GRIA1: variants seen among roughly 807,000 people sequenced by gnomAD.
GRIA1 encodes glutamate receptor 1.
Under a neutral mutation model 99.2 loss-of-function variants are expected in GRIA1, and 31 were observed. The observed-to-expected ratio is 0.31, with a 90% CI of 0.23 to 0.42. The LOEUF (loss-of-function observed/expected upper bound fraction) is 0.42, where lower values mean the gene tolerates loss of function less well. GRIA1 is among the 10% of genes least tolerant of loss of function. The pLI, the probability that GRIA1 is intolerant of heterozygous loss-of-function variation, is 1.00. For synonymous variants in GRIA1, 438 were observed against 432.4 expected (o/e 1.01, Z -0.16); for missense variants, 782 against 1,157.5 (o/e 0.68, Z 4.71).
At chr5:153,555,413 T>C (rs917365060) in intron 2 of GRIA1, among the ~76,000 whole-genome samples, 22 of 152,122 alleles carry the variant, frequency 1.4e-4, no homozygotes, top group Non-Finnish European at 3.1e-4. Flanking sequence ...ATTTGTACCA[T>C]AAAAACAATA....
intron 11 of GRIA1, among the ~76,000 whole-genome samples, chr5:153,712,730 A>G (rs1175022826): frequency 6.6e-6 from 1 of 152,250 alleles, no homozygotes; most frequent in African/African-American, 2.4e-5. Flanking sequence ...TTCTACAAGG[A>G]ACAGTGTCAC....
At chr5:153,589,284 G>T (rs1763757391) in intron 2 of GRIA1, among the ~76,000 whole-genome samples, 1 of 152,112 alleles carries the variant, frequency 6.6e-6, no homozygotes, top group Admixed American at 6.5e-5. Flanking sequence ...TCTGTGAGGT[G>T]CATCAATTTT....
chr5:153,701,929 C>T (rs1035105508), intron 10 of GRIA1, among the ~76,000 whole-genome samples: 16 of 152,244 alleles, frequency 1.1e-4, no homozygotes, highest in Non-Finnish European at 2.1e-4. Context: ...TAGCGTGTGC[C>T]AGGTGCTATG....
At chr5:153,567,555 C>A (rs919882565) in intron 2 of GRIA1, among the ~76,000 whole-genome samples, 6 of 151,984 alleles carry the variant, frequency 3.9e-5, no homozygotes, top group African/African-American at 1.2e-4. Context: ...ACCATTAGTA[C>A]CTCCCTCACT....
At chr5:153,518,926 C>T (rs762246342) in intron 2 of GRIA1, among the ~76,000 whole-genome samples, 2 of 152,202 alleles carry the variant, frequency 1.3e-5, no homozygotes, top group Middle Eastern at 3.4e-3. Flanking sequence ...AAAAGATGAC[C>T]GTCCTGGACT....
chr5:153,609,778 G>T (rs1294837056), intron 2 of GRIA1, among the ~76,000 whole-genome samples: 1 of 151,726 alleles, frequency 6.6e-6, no homozygotes, highest in Non-Finnish European at 1.5e-5. Flanking sequence ...AGCCAGGATG[G>T]TCTCGATCTC....
At chr5:153,578,182 GAAGA>G (rs1404726404) in intron 2 of GRIA1, among the ~76,000 whole-genome samples, 9 of 130,236 alleles carry the variant, frequency 6.9e-5, no homozygotes, top group Non-Finnish European at 1.5e-4. Flanking sequence ...AAGAAAGAAA[GAAGA>G]AAGAAAGAAA....
intron 2 of GRIA1, among the ~76,000 whole-genome samples, chr5:153,636,845 A>C (rs1489691684): frequency 6.6e-6 from 1 of 152,240 alleles, no homozygotes; most frequent in Non-Finnish European, 1.5e-5. Context: ...GGCTGTTATT[A>C]TTATCCAAAG....
chr5:153,492,052 C>A, intron 1 of GRIA1: 1 of 1,083,506 alleles, frequency 9.2e-7, no homozygotes, highest in Non-Finnish European at 1.3e-6. Context: ...TGTTTGGAAG[C>A]ATCTTCGTTG....
chr5:153,564,643 A>C (rs1438805102), intron 2 of GRIA1, among the ~76,000 whole-genome samples: 1 of 152,218 alleles, frequency 6.6e-6, no homozygotes, highest in Non-Finnish European at 1.5e-5. Context: ...ACTTCCTCAC[A>C]ACATGGTGAC....
At chr5:153,606,241 C>G (rs1027444113) in intron 2 of GRIA1, among the ~76,000 whole-genome samples, 2 of 152,104 alleles carry the variant, frequency 1.3e-5, no homozygotes, top group African/African-American at 4.8e-5. Flanking sequence ...AATCAAGTGA[C>G]CAAGTATGTC....
Position 153,764,509 on chromosome 5 carries a change from T to C in GRIA1, c.1899T>C (p.Asn633=). 3 of 1,613,950 alleles carry C rather than the reference T, an allele frequency of 1.9e-6. No individual in the cohort carries two copies. In the South Asian group the frequency reaches 3.3e-5, roughly 18 times the overall value. Residue 633 remains asparagine, a synonymous_variant, in exon 12 of 16, where the codon AAT becomes AAC. Transcript: ENST00000285900. The part of the protein sequence containing the change: ...TLIIISSYTA[N]LAAFLTVERM... The stretch of plus-strand genomic sequence containing the variant: ...TCATCATCTCCTCATATACAGCCAA[T>C]CTGGCCGCCTTCCTGACCGTGGAGA...
chr5:153,776,202 T>C (rs1049257216), intron 13 of GRIA1, among the ~76,000 whole-genome samples: 2 of 152,124 alleles, frequency 1.3e-5, no homozygotes, highest in African/African-American at 4.8e-5. Flanking sequence ...AGATAATGAA[T>C]GTGGTCATGA....
chr5:153,605,579 G>C (rs1208691370), intron 2 of GRIA1, among the ~76,000 whole-genome samples: 1 of 152,154 alleles, frequency 6.6e-6, no homozygotes, highest in Non-Finnish European at 1.5e-5. Flanking sequence ...CAAAGTAGCT[G>C]TACCAATTTA....
rs1348207300 is a variant in GRIA1 at position 153,635,894 on chromosome 5, C to T, written c.221-11034C>T. Among the ~76,000 whole-genome samples the T allele has an allele frequency of 2.0e-5, 3 of 152,314 alleles. No individual in the cohort carries two copies. In the East Asian group the frequency reaches 5.8e-4, roughly 29 times the overall value. ...TAGCCATGGAGCAGTGTCATAGCCTCCTCTAGTCCAAAGCTGGCCGGTGCT... is the reference window on the plus strand; with the variant it reads ...TAGCCATGGAGCAGTGTCATAGCCTTCTCTAGTCCAAAGCTGGCCGGTGCT... On this transcript the variant is annotated intron_variant, in intron 2 of 15. Transcript: ENST00000285900.
In GRIA1 at chr5:153,704,461, G is replaced by A. The variant is rs899303435; in HGVS notation, c.1453-1236G>A. Among the ~76,000 whole-genome samples, 7 of 152,364 alleles carry A rather than the reference G, an allele frequency of 4.6e-5. 1 individual carries two copies. The highest frequency in any genetic ancestry group is 1.7e-4 in the African/African-American group (7 of 41,588). On this transcript the variant is annotated intron_variant, in intron 10 of 15. Coordinates refer to ENST00000285900, the MANE Select transcript of GRIA1 (RefSeq NM_000827.4). ...TCTGCCATTGGAGAGAGGTAGGAAA[G>A]ACAGGAGAACAAGGCATGGTTGGTG...
At chr5:153,639,165 C>A (rs1471175889) in intron 2 of GRIA1, among the ~76,000 whole-genome samples, 1 of 152,206 alleles carries the variant, frequency 6.6e-6, no homozygotes, top group Admixed American at 6.5e-5. Context: ...TGTCTCTCAT[C>A]CATGGACTGG....
intron 2 of GRIA1, among the ~76,000 whole-genome samples, chr5:153,563,902 A>G (rs745766329): frequency 1.3e-5 from 2 of 152,204 alleles, no homozygotes; most frequent in Non-Finnish European, 2.9e-5. Context: ...GAGGACATGA[A>G]ATGTTAAATA....
chr5:153,596,635 C>T (rs780153249), intron 2 of GRIA1, among the ~76,000 whole-genome samples: 9 of 152,038 alleles, frequency 5.9e-5, no homozygotes, highest in African/African-American at 9.7e-5. Flanking sequence ...CCTGTTCTGA[C>T]GCTGGAAAAG....
Sources: allele counts gnomAD v4.1 joint callset (sites outside exome capture counted in the v4.1 genomes callset), GRCh38; gene constraint gnomAD v4.1.1; transcripts MANE v1.5; gene names NCBI Gene and HGNC (gene_info 2026-07-23, HGNC 2026-07-21).